The following WDR36 variants were observed in gnomAD, a reference collection of about 807,000 sequenced individuals.
WDR36 encodes WD repeat domain 36.
A neutral mutation model predicts 112.7 loss-of-function variants in WDR36; 63 were observed. The ratio of observed to expected loss-of-function variants is 0.56; its 90% CI spans 0.46 to 0.69. The LOEUF is 0.69. Among genes scored for constraint, WDR36 ranks in the 30% least tolerant of loss-of-function variants. The pLI, the probability that WDR36 is intolerant of heterozygous loss-of-function variation, is 0.00. For synonymous variants in WDR36, 410 were observed against 362.2 expected, an observed-to-expected ratio of 1.13 and a Z score of -1.50; for missense variants, 1,226 against 1,070.3, an observed-to-expected ratio of 1.15 and a Z score of -2.03.
chr5:111,126,585 G>A, intron 22 of WDR36, 149 bp from the exon 23 acceptor site: 5 of 850,410 alleles, frequency 5.9e-6, no homozygotes, highest in Non-Finnish European at 9.1e-6. Context: ...TGATAGAGGA[G>A]GGGAAAATGG....
intron 1 of WDR36, 107 bp from the exon 2 acceptor site, chr5:111,094,813 G>A (rs888431325): frequency 4.0e-5 from 36 of 896,528 alleles, no homozygotes; most frequent in Non-Finnish European, 5.9e-5. Flanking sequence ...TCTTATGAAG[G>A]ACAGCATAGC....
In WDR36 at chr5:111,111,181, G is replaced by A. The variant is rs1343842932; in HGVS notation, c.1619G>A (p.Gly540Glu). 6.2e-7 allele frequency: 1 copy of A among 1,611,790 alleles called. No individual in the cohort carries two copies. Among genetic ancestry groups the A allele is most frequent in the Non-Finnish European group, 8.5e-7 (1 of 1,178,298 alleles). ...ATTTATCTTGCTAGTGGCATTCTGG[G>A]ACTCGCCTTGGATGACTTCTCCATT... ...MLLHRDSGIL[G>E]LALDDFSISV... Residue 540 changes from glycine to glutamate, a missense_variant, in exon 15 of 23, where the codon GGA (glycine) becomes GAA (glutamate). Gly to Glu is a moderately conservative substitution (Grantham distance 98, BLOSUM62 -2). Transcript: ENST00000513710.
chr5:111,106,195 C>T (rs1235008220), intron 11 of WDR36, 52 bp downstream of exon 11: 2 of 1,410,758 alleles, frequency 1.4e-6, no homozygotes, highest in Admixed American at 1.7e-5. Context: ...CATTTATTTC[C>T]TACTGTATGC....
chr5:111,098,267 C>G (rs762585058), intron 3 of WDR36, among the ~76,000 whole-genome samples: 12 of 152,138 alleles, frequency 7.9e-5, no homozygotes, highest in Non-Finnish European at 1.5e-4. Context: ...GTAAGGATCT[C>G]TGTCAAAGCA....
At chr5:111,109,336 T>A (rs1753280017) in intron 12 of WDR36, among the ~76,000 whole-genome samples, 1 of 151,452 alleles carries the variant, frequency 6.6e-6, no homozygotes, top group Non-Finnish European at 1.5e-5. Context: ...ATACTTTTTT[T>A]AAAAGAAATC....
rs1170259191 is a variant in WDR36, at chr5:111,120,717, CTT to C, written c.2002+126_2002+127del. 3.6e-6 allele frequency: 3 copies of C among 835,840 alleles called. No individual in the cohort carries two copies. In the African/African-American group the frequency reaches 5.1e-5, roughly 14 times the overall value. The allele number at this position is 835,840 out of a possible 1,614,324, so 51.8% of individuals were successfully genotyped here. ...AGTGTTTTTTAACTGATATAAAAGA[CTT>C]TGAATGACTTCATGAATTTATGCAA... On this transcript the variant is annotated intron_variant, in intron 18 of 22. Transcript: ENST00000513710.
chr5:111,096,215 A>T (rs1201616560), intron 2 of WDR36, among the ~76,000 whole-genome samples: 1 of 152,228 alleles, frequency 6.6e-6, no homozygotes, highest in Non-Finnish European at 1.5e-5. Flanking sequence ...CACGTGAGAA[A>T]TGCTAAAGAT....
rs1022223701 is a variant in WDR36 at position 111,128,072 on chromosome 5, T to A, written c.*1189T>A. 1 of 196,276 alleles carries A rather than the reference T, an allele frequency of 5.1e-6. No homozygotes were observed. Among genetic ancestry groups the A allele is most frequent in the East Asian group, 7.9e-5 (1 of 12,688 alleles). The allele number at this position is 196,276 out of a possible 1,614,324, so 12.2% of individuals were successfully genotyped here. A position where few individuals can be genotyped will look rare whatever the true frequency, so the allele number is the denominator to read the frequency against. Reference sequence around the variant, plus strand: ...TTTCTCATCATCATTGTTTTGTTTTTTTTATGGTTCAAGACTTTTGCAATA... The same window carrying A: ...TTTCTCATCATCATTGTTTTGTTTTATTTATGGTTCAAGACTTTTGCAATA... On this transcript the variant is annotated 3_prime_UTR_variant, in exon 23 of 23. Coordinates refer to ENST00000513710, the MANE Select transcript of WDR36 (RefSeq NM_139281.3).
At chr5:111,104,627 G>C in intron 8 of WDR36, 70 bp from the exon 9 acceptor site, 1 of 1,607,058 alleles carries the variant, frequency 6.2e-7, no homozygotes, top group South Asian at 1.1e-5. Flanking sequence ...GATTTATGTA[G>C]GGGGTGATTT....
intron 12 of WDR36, among the ~76,000 whole-genome samples, chr5:111,108,357 C>T (rs1753260356): frequency 6.6e-6 from 1 of 151,212 alleles, no homozygotes; most frequent in Non-Finnish European, 1.5e-5. Context: ...CCTTGCTGAA[C>T]TTATTAGTTC....
rs895750843 is a variant in WDR36, at chr5:111,105,285, A to G, written c.1028-10A>G. On this transcript the variant is annotated splice_polypyrimidine_tract_variant and intron_variant, in intron 9 of 22. Transcript: ENST00000513710. ...AAGCTTGATTAGGGATTTTCTGTGT[A>G]TATCAACAGGTCAAGATGGAACTCT... 3.7e-6 allele frequency: 6 copies of G among 1,609,102 alleles called. No homozygotes were observed. The Admixed American group carries it at 5.0e-5, about 13-fold the overall frequency.
rs1280778234 is a variant in WDR36 at position 111,110,165 on chromosome 5, A to G, written c.1327-24A>G. 3 of 1,532,572 alleles carry G rather than the reference A, an allele frequency of 2.0e-6. No homozygotes were observed. In the Admixed American group the frequency reaches 5.0e-5, roughly 26 times the overall value. The allele number at this position is 1,532,572 out of a possible 1,614,324, so 94.9% of individuals were successfully genotyped here. A position where few individuals can be genotyped will look rare whatever the true frequency, so the allele number is the denominator to read the frequency against. On this transcript the variant is annotated intron_variant, in intron 12 of 22. Transcript: ENST00000513710. ...CAATAAAAATGTTAGTTATTTTGTC[A>G]TTTGTGGGTTTTTTTTCTTAAAGGC...
At chr5:111,095,381 G>T (rs1237043502) in intron 2 of WDR36, among the ~76,000 whole-genome samples, 1 of 152,182 alleles carries the variant, frequency 6.6e-6, no homozygotes, top group Non-Finnish European at 1.5e-5. Context: ...TTTTAAGTTA[G>T]TGTTTTGTCA....
intron 3 of WDR36, 42 bp from the exon 4 acceptor site, chr5:111,098,680 C>G (rs769158545): frequency 1.6e-6 from 2 of 1,222,910 alleles, no homozygotes; most frequent in Admixed American, 1.7e-5. Context: ...GACATGATGA[C>G]TGAGTAATAA....
At chr5:111,096,390 A>G (rs949889279) in intron 2 of WDR36, among the ~76,000 whole-genome samples, 2 of 152,188 alleles carry the variant, frequency 1.3e-5, no homozygotes, top group Admixed American at 6.5e-5. Flanking sequence ...TGGAGTTATT[A>G]GTGAACTTGA....
Position 111,130,043 on chromosome 5 carries a change from G to A in WDR36, c.*3160G>A, listed in dbSNP as rs1011064329. On this transcript the variant is annotated 3_prime_UTR_variant, in exon 23 of 23. Coordinates refer to ENST00000513710, the MANE Select transcript of WDR36 (RefSeq NM_139281.3). ...GATGCATTACTTTGGTATGTTCTCA[G>A]ATTTGGGTAAAGCCTTCCTCATGTT... 5 of 212,476 alleles carry A rather than the reference G, an allele frequency of 2.4e-5. No individual in the cohort carries two copies. Among genetic ancestry groups the A allele is most frequent in the Non-Finnish European group, 3.8e-5 (4 of 105,072 alleles). The allele number at this position is 212,476 out of a possible 1,614,324, so 13.2% of individuals were successfully genotyped here.
In WDR36 at chr5:111,092,369, G is replaced by T; in HGVS notation, c.-88G>T. 1.2e-6 allele frequency: 2 copies of T among 1,614,254 alleles called. No homozygotes were observed. The highest frequency in any genetic ancestry group is 1.7e-6 in the Non-Finnish European group (2 of 1,180,044). ...CGGTGTTGTGTCTGCAGCTCTGGCA[G>T]AGGACTGTTCCACTAGACACGCTGA... On this transcript the variant is annotated 5_prime_UTR_variant, in exon 1 of 23. Transcript: ENST00000513710.
chr5:111,127,923 G>GT lies in WDR36; in HGVS notation c.*1059dup, dbSNP rs1174312563. 3.9e-3 allele frequency: 545 copies of GT among 139,224 alleles called. 1 individual carries two copies. Among genetic ancestry groups the GT allele is most frequent in the East Asian group, 0.028 (244 of 8,664 alleles). The allele number at this position is 139,224 out of a possible 1,614,324, so 8.6% of individuals were successfully genotyped here. A position where few individuals can be genotyped will look rare whatever the true frequency, so the allele number is the denominator to read the frequency against. On this transcript the variant is annotated 3_prime_UTR_variant, in exon 23 of 23. Transcript: ENST00000513710. ...GGTTTTTTTTATTTTGTTTTGTTTT[G>GT]TTTTTTTTTTTTTTTTTTTGGCTAC...
At position 111,104,304 on chromosome 5, in the gene WDR36, C is replaced by T. The variant is rs17553055; in HGVS notation, c.858C>T (p.Leu286=). Residue 286 remains leucine, a synonymous_variant, in exon 8 of 23, where the codon CTC becomes CTT. Transcript: ENST00000513710. ...CAGCAATTGCCGGACTGACATTTCT[C>T]CATAGAGAGCCACTTCTTGTCACAA... is the stretch of plus-strand genomic sequence containing the variant. ...HSTAIAGLTF[L]HREPLLVTNG... 1.2e-5 allele frequency: 20 copies of T among 1,612,042 alleles called. No individual in the cohort carries two copies. The highest frequency in any genetic ancestry group is 8.9e-5 in the East Asian group (4 of 44,826).
Sources: gnomAD v4.1 joint callset for allele counts (sites outside exome capture counted in the v4.1 genomes callset) on GRCh38, gnomAD v4.1.1 for gene constraint, MANE v1.5 for transcripts, NCBI Gene and HGNC (gene_info 2026-07-23, HGNC 2026-07-21) for gene names.